UHRF1: variants seen among roughly 807,000 people sequenced by gnomAD.
UHRF1 encodes E3 ubiquitin-protein ligase UHRF1.
In UHRF1, 9 loss-of-function variants were observed where a neutral mutation model predicts 96.5. The ratio of observed to expected loss-of-function variants is 0.09; its 90% CI spans 0.06 to 0.16. The LOEUF (loss-of-function observed/expected upper bound fraction) is 0.16. UHRF1 is among the 10% of genes least tolerant of loss of function. The pLI, the probability that UHRF1 is intolerant of heterozygous loss-of-function variation, is 1.00. For synonymous variants in UHRF1, 455 were observed against 469.9 expected (o/e 0.97, Z 0.41); for missense variants, 626 against 1,131.1 (o/e 0.55, Z 6.40).
intron 2 of UHRF1, among the ~76,000 whole-genome samples, chr19:4,916,531 T>C (rs1463877209): frequency 6.6e-6 from 1 of 152,054 alleles, no homozygotes; most frequent in Admixed American, 6.6e-5. Flanking sequence ...GAAGTGCCGC[T>C]CTAGGGTCTG....
At chr19:4,928,749 C>A (rs942951562) in intron 2 of UHRF1, among the ~76,000 whole-genome samples, 1 of 152,224 alleles carries the variant, frequency 6.6e-6, no homozygotes, top group Non-Finnish European at 1.5e-5. Context: ...CGTTCCTGGC[C>A]TCCACCCACT....
chr19:4,957,139 G>T lies in UHRF1; in HGVS notation c.2235+326G>T, dbSNP rs908002064. The stretch of plus-strand genomic sequence containing the variant: ...TTGGAGGAGGTGGTGTTACCAGGCA[G>T]CATCCCTTGTACCTGGGACAGCAGG... On this transcript the variant is annotated intron_variant, in intron 16 of 16. Transcript: ENST00000650932. 2.6e-5 allele frequency among the ~76,000 whole-genome samples: 4 copies of T among 152,038 alleles called. 1 individual carries two copies. In the South Asian group the frequency reaches 8.3e-4, roughly 32 times the overall value.
upstream of UHRF1, among the ~76,000 whole-genome samples, chr19:4,906,830 A>G (rs1322469351): frequency 6.6e-6 from 1 of 152,194 alleles, no homozygotes; most frequent in Non-Finnish European, 1.5e-5. Context: ...CAGCGCTACA[A>G]ACAGATGATG....
rs115648043 is a variant in UHRF1, at chr19:4,923,136, G to A, written c.154-6086G>A. Reference sequence around the variant, plus strand: ...ACAGCCCTTGCCCCCCTGCCTACCCGCCACCAGTTCTCATTGGCCCTGCCT... The same window carrying A: ...ACAGCCCTTGCCCCCCTGCCTACCCACCACCAGTTCTCATTGGCCCTGCCT... On this transcript the variant is annotated intron_variant, in intron 2 of 16. Coordinates refer to ENST00000650932, the MANE Select transcript of UHRF1 (RefSeq NM_001048201.3). 6.1e-3 allele frequency among the ~76,000 whole-genome samples: 929 copies of A among 152,228 alleles called. 15 individuals are homozygous for A. Among genetic ancestry groups the A allele is most frequent in the African/African-American group, 0.021 (885 of 41,550 alleles).
At chr19:4,904,281 C>A (rs2032015870) in intron 1 of UHRF1, among the ~76,000 whole-genome samples, 1 of 152,108 alleles carries the variant, frequency 6.6e-6, no homozygotes, top group African/African-American at 2.4e-5. Context: ...CGTGTTCATG[C>A]CATTCTCCTG....
chr19:4,938,729 G>GTTTT lies in UHRF1; in HGVS notation c.786-2799_786-2798insTTTT, dbSNP rs1568421911. 9.5e-5 allele frequency among the ~76,000 whole-genome samples: 7 copies of GTTTT among 73,940 alleles called. No homozygotes were observed. The South Asian group carries it at 3.4e-3, about 36-fold the overall frequency. 48.5% of individuals were successfully genotyped at this position (73,940 alleles called of 152,430 possible). On this transcript the variant is annotated intron_variant, in intron 5 of 16. Coordinates refer to ENST00000650932, the MANE Select transcript of UHRF1 (RefSeq NM_001048201.3). ...TGGCATAAGAGTTTTGTTTTGGTCA[G>GTTTT]GTTTTTTTTTTTTTTTTTTTTTTTT...
intron 5 of UHRF1, among the ~76,000 whole-genome samples, chr19:4,936,976 C>T (rs1391062337): frequency 6.6e-6 from 1 of 152,094 alleles, no homozygotes; most frequent in African/African-American, 2.4e-5. Context: ...CTCGTTACCC[C>T]TTTTATAGCC....
At chr19:4,929,810 A>AT (rs5826867) in intron 3 of UHRF1, among the ~76,000 whole-genome samples, 86 of 147,612 alleles carry the variant, frequency 5.8e-4, no homozygotes, top group African/African-American at 1.6e-3. Flanking sequence ...TTATTTTTTT[A>AT]TTTTTTTTTT....
At chr19:4,928,030 G>A (rs1432516018) in intron 2 of UHRF1, among the ~76,000 whole-genome samples, 1 of 152,176 alleles carries the variant, frequency 6.6e-6, no homozygotes, top group East Asian at 1.9e-4. Flanking sequence ...GTAGGGCACA[G>A]CATCATGGGA....
At chr19:4,915,714 AAAAAGC>A (rs1307567820) in intron 2 of UHRF1, among the ~76,000 whole-genome samples, 1 of 152,160 alleles carries the variant, frequency 6.6e-6, no homozygotes, top group African/African-American at 2.4e-5. Context: ...CGTCTCAAAA[AAAAAGC>A]AAAACAAAAA....
chr19:4,947,672 T>C (rs1001789318), intron 11 of UHRF1, among the ~76,000 whole-genome samples: 5 of 151,834 alleles, frequency 3.3e-5, no homozygotes, highest in Non-Finnish European at 5.9e-5. Flanking sequence ...GGCTAATTTT[T>C]GTATTTTTAG....
intron 1 of UHRF1, 170 bp from the exon 2 acceptor site, chr19:4,910,706 G>T: frequency 3.3e-6 from 2 of 600,352 alleles, no homozygotes; most frequent in Non-Finnish European, 5.4e-6. Flanking sequence ...TGCTTAATTT[G>T]TTGTGTCTGG....
At chr19:4,920,975 T>A (rs1415848813) in intron 2 of UHRF1, among the ~76,000 whole-genome samples, 1 of 150,698 alleles carries the variant, frequency 6.6e-6, no homozygotes, top group Non-Finnish European at 1.5e-5. Flanking sequence ...AATACAAACA[T>A]TAGCTGGGCG....
At chr19:4,927,565 G>A (rs1260266211) in intron 2 of UHRF1, among the ~76,000 whole-genome samples, 5 of 152,058 alleles carry the variant, frequency 3.3e-5, no homozygotes, top group African/African-American at 1.2e-4. Flanking sequence ...GCGAAAGGAG[G>A]AAGAGCTGAC....
intron 5 of UHRF1, among the ~76,000 whole-genome samples, chr19:4,940,494 G>T (rs2033360658): frequency 6.7e-6 from 1 of 148,844 alleles, no homozygotes; most frequent in Admixed American, 6.8e-5. Context: ...AGCCTCCCGA[G>T]TAGCTGGGAT....
In UHRF1 at chr19:4,909,501, A is replaced by G. The variant is rs2032160260; in HGVS notation, c.-165A>G. On this transcript the variant is annotated 5_prime_UTR_variant, in exon 1 of 17. Coordinates refer to ENST00000650932, the MANE Select transcript of UHRF1 (RefSeq NM_001048201.3). Reference sequence around the variant, plus strand: ...GCCGAGTTTTCGCGGGAAAAAAATCAGAGCAGCTGGCAGCGCGGCGGGCAG... The same window carrying G: ...GCCGAGTTTTCGCGGGAAAAAAATCGGAGCAGCTGGCAGCGCGGCGGGCAG... 1.5e-6 allele frequency: 1 copy of G among 654,980 alleles called. No homozygotes were observed. The highest frequency in any genetic ancestry group is 2.8e-6 in the Non-Finnish European group (1 of 363,474). 40.6% of individuals were successfully genotyped at this position (654,980 alleles called of 1,614,324 possible). A position where few individuals can be genotyped will look rare whatever the true frequency, so the allele number is the denominator to read the frequency against.
chr19:4,951,310 C>T (rs1031368245), intron 13 of UHRF1, among the ~76,000 whole-genome samples: 17 of 152,210 alleles, frequency 1.1e-4, no homozygotes, highest in African/African-American at 2.9e-4. Flanking sequence ...TGACACTTCC[C>T]GCCTGGGCAC....
chr19:4,905,459 C>T (rs950497320), upstream of UHRF1, among the ~76,000 whole-genome samples: 11 of 150,090 alleles, frequency 7.3e-5, no homozygotes, highest in African/African-American at 2.7e-4. Flanking sequence ...GATTTTTTTG[C>T]AATTTTTTTT....
rs979754811 is a variant in UHRF1 at position 4,961,230 on chromosome 19, T to C, written c.*427T>C. On this transcript the variant is annotated 3_prime_UTR_variant, in exon 17 of 17. Transcript: ENST00000650932. Reference sequence around the variant, plus strand: ...GGCCCCCAAGGTCAGAGCAAGCATCTTCCTGACAGCATTTTGTCATCTAAA... The same window carrying C: ...GGCCCCCAAGGTCAGAGCAAGCATCCTCCTGACAGCATTTTGTCATCTAAA... The C allele has an allele frequency of 3.2e-5, 3 of 94,598 alleles. No homozygotes were observed. The highest frequency in any genetic ancestry group is 6.4e-5 in the Non-Finnish European group (3 of 46,852). The allele number at this position is 94,598 out of a possible 1,614,324, so 5.9% of individuals were successfully genotyped here. A position where few individuals can be genotyped will look rare whatever the true frequency, so the allele number is the denominator to read the frequency against.
Sources: allele counts gnomAD v4.1 joint callset (sites outside exome capture counted in the v4.1 genomes callset), GRCh38; gene constraint gnomAD v4.1.1; transcripts MANE v1.5; gene names NCBI Gene and HGNC (gene_info 2026-07-23, HGNC 2026-07-21).